TPRG1: variants seen among roughly 807,000 people sequenced by gnomAD.
The protein encoded by TPRG1 is tumor protein p63 regulated 1, also known as tumor protein p63-regulated gene 1 protein.
TPRG1 carries 29 observed loss-of-function variants against 29.3 expected under a neutral mutation model. That is an observed-to-expected ratio of 0.99 (90% CI 0.74 to 1.35). The LOEUF (loss-of-function observed/expected upper bound fraction) is 1.35, where lower values mean the gene tolerates loss of function less well. Ranked by LOEUF, TPRG1 falls within the 40% of genes most tolerant of loss-of-function variation. The pLI, the probability that TPRG1 is intolerant of heterozygous loss-of-function variation, is 0.00. For synonymous variants in TPRG1, 130 were observed against 116.8 expected, an observed-to-expected ratio of 1.11 and a Z score of -0.73; for missense variants, 327 against 335.0, an observed-to-expected ratio of 0.98 and a Z score of 0.19.
chr3:189,136,520 C>G (rs1723762842), intron 3 of TPRG1, among the ~76,000 whole-genome samples: 1 of 152,160 alleles, frequency 6.6e-6, no homozygotes, highest in South Asian at 2.1e-4. Flanking sequence ...CAAGCAGCTT[C>G]TAGTTAATAG....
At chr3:189,250,167 G>T (rs1741939083) in intron 4 of TPRG1, among the ~76,000 whole-genome samples, 6 of 152,106 alleles carry the variant, frequency 3.9e-5, no homozygotes, top group African/African-American at 7.2e-5. Context: ...GCAACCTGTG[G>T]TTAGAGTGGG....
chr3:189,038,002 T>A (rs937805103), intron 4 of TPRG1, among the ~76,000 whole-genome samples: 1 of 151,104 alleles, frequency 6.6e-6, no homozygotes, highest in Non-Finnish European at 1.5e-5. Flanking sequence ...TTTGCCAAAT[T>A]AAATAAAAAA....
intron 4 of TPRG1, among the ~76,000 whole-genome samples, chr3:189,301,481 A>G (rs549208843): frequency 6.6e-6 from 1 of 152,328 alleles, no homozygotes; most frequent in East Asian, 1.9e-4. Context: ...AAGGTGCAGC[A>G]AGATTGGTAA....
chr3:189,094,363 A>G (rs929817157), intron 4 of TPRG1, among the ~76,000 whole-genome samples: 34 of 151,636 alleles, frequency 2.2e-4, no homozygotes, highest in Non-Finnish European at 2.4e-4. Context: ...TTCTTCCAAC[A>G]CTCCATAACT....
chr3:189,313,603 A>G (rs1000588853), intron 5 of TPRG1, among the ~76,000 whole-genome samples: 1 of 152,234 alleles, frequency 6.6e-6, no homozygotes, highest in African/African-American at 2.4e-5. Flanking sequence ...ATTTTAAAAT[A>G]CATGAAAATA....
intron 3 of TPRG1, among the ~76,000 whole-genome samples, chr3:189,145,961 C>T (rs1037077560): frequency 6.6e-6 from 1 of 152,124 alleles, no homozygotes; most frequent in Non-Finnish European, 1.5e-5. Flanking sequence ...ATATGAATGG[C>T]TGCCATATTG....
intron 2 of TPRG1, chr3:189,211,753 AAG>A (rs1396369396): frequency 6.6e-6 from 1 of 152,208 alleles, no homozygotes; most frequent in African/African-American, 2.4e-5. Context: ...TGGGCCACGC[AAG>A]AACTAGAAGA....
At chr3:189,277,299 C>T (rs1023347408) in intron 4 of TPRG1, among the ~76,000 whole-genome samples, 1 of 152,144 alleles carries the variant, frequency 6.6e-6, no homozygotes, top group African/African-American at 2.4e-5. Flanking sequence ...ACCTTAAACA[C>T]ACACATACGC....
chr3:189,208,749 G>A (rs1045745834), intron 2 of TPRG1, among the ~76,000 whole-genome samples: 1 of 152,200 alleles, frequency 6.6e-6, no homozygotes, highest in African/African-American at 2.4e-5. Context: ...GTTAAGCTGT[G>A]TGATATAGCT....
At chr3:189,153,569 G>A (rs777797272) in intron 5 of TPRG1, among the ~76,000 whole-genome samples, 5 of 152,024 alleles carry the variant, frequency 3.3e-5, no homozygotes, top group African/African-American at 7.3e-5. Context: ...CAAGTGTCTC[G>A]GGGTGAGCCA....
chr3:189,105,178 A>T (rs1484065483), intron 1 of TPRG1, among the ~76,000 whole-genome samples: 1 of 152,092 alleles, frequency 6.6e-6, no homozygotes, highest in African/African-American at 2.4e-5. Context: ...ATTGATCGAT[A>T]ATTTGGGGAG....
At chr3:189,297,117 A>T (rs928240990) in intron 4 of TPRG1, among the ~76,000 whole-genome samples, 1 of 152,062 alleles carries the variant, frequency 6.6e-6, no homozygotes, top group Non-Finnish European at 1.5e-5. Context: ...AGTAGCTGGG[A>T]CTACAGGCAC....
At chr3:189,142,160 C>A (rs1040450598) in intron 3 of TPRG1, among the ~76,000 whole-genome samples, 1 of 152,124 alleles carries the variant, frequency 6.6e-6, no homozygotes, top group South Asian at 2.1e-4. Flanking sequence ...ACGGGCAGCA[C>A]GTACAGAGGA....
intron 5 of TPRG1, among the ~76,000 whole-genome samples, chr3:189,317,355 C>T (rs1365677813): frequency 1.3e-5 from 2 of 152,242 alleles, no homozygotes; most frequent in Admixed American, 6.5e-5. Flanking sequence ...TGGCAACAAG[C>T]TTCCTTTATG....
In TPRG1 at chr3:189,323,036, G is replaced by A. The variant is rs1724450137; in HGVS notation, c.*2216G>A. The A allele has an allele frequency of 6.6e-6, 1 of 152,086 alleles. No homozygotes were observed. Among genetic ancestry groups the A allele is most frequent in the South Asian group, 2.1e-4 (1 of 4,832 alleles). The allele number at this position is 152,086 out of a possible 1,614,324, so 9.4% of individuals were successfully genotyped here. A position where few individuals can be genotyped will look rare whatever the true frequency, so the allele number is the denominator to read the frequency against. ...CGGTATTATGACCAGAGGGTGAGAA[G>A]ATTTAGGAATTTGGATAGCAGTTCA... is the stretch of plus-strand genomic sequence containing the variant. On this transcript the variant is annotated 3_prime_UTR_variant, in exon 6 of 6. Transcript: ENST00000345063.
intron 5 of TPRG1, among the ~76,000 whole-genome samples, chr3:189,312,105 GTTTCTTTCTTTGTTTCTTTCTTTCTTTC>G (rs1722630716): frequency 2.3e-4 from 16 of 70,858 alleles, no homozygotes; most frequent in African/African-American, 6.7e-4. Context: ...TTGTTTCTTT[GTTTCTTTCTTTGTTTCTTTCTTTCTTTC>G]TTTCTTTCTT....
chr3:189,172,901 C>G (rs1728999345), intron 1 of TPRG1, among the ~76,000 whole-genome samples: 1 of 152,164 alleles, frequency 6.6e-6, no homozygotes, highest in Non-Finnish European at 1.5e-5. Context: ...AGGCACAGAT[C>G]ATACAGGCCC....
At position 189,020,377 on chromosome 3, in the gene TPRG1, A is replaced by G. The variant is rs548654649; in HGVS notation, c.-659-3373A>G. 2.1e-3 allele frequency among the ~76,000 whole-genome samples: 324 copies of G among 151,962 alleles called. 2 individuals carry two copies. Among genetic ancestry groups the G allele is most frequent in the African/African-American group, 7.6e-3 (313 of 41,428 alleles). The stretch of plus-strand genomic sequence containing the variant: ...TTCTCTTGTGGGCATTTAGTGCTAT[A>G]AATTTCCCTCTACACACTGCTTGAA... On this transcript the variant is annotated intron_variant, in intron 3 of 10. Transcript: ENST00000433971.
At chr3:189,202,548 G>A (rs1483040253) in intron 1 of TPRG1, among the ~76,000 whole-genome samples, 1 of 152,144 alleles carries the variant, frequency 6.6e-6, no homozygotes, top group Non-Finnish European at 1.5e-5. Context: ...GGTTTGGGGT[G>A]CCTTACAAAT....
Sources: gnomAD v4.1 joint callset for allele counts (sites outside exome capture counted in the v4.1 genomes callset) on GRCh38, gnomAD v4.1.1 for gene constraint, MANE v1.5 for transcripts, NCBI Gene and HGNC (gene_info 2026-07-23, HGNC 2026-07-21) for gene names.